EXOC4: variants seen among roughly 807,000 people sequenced by gnomAD.
EXOC4 encodes SEC8-like 1.
A neutral mutation model predicts 107.2 loss-of-function variants in EXOC4; 71 were observed. The ratio of observed to expected loss-of-function variants is 0.66; its 90% CI spans 0.55 to 0.81. The LOEUF (loss-of-function observed/expected upper bound fraction) is 0.81, where lower values mean the gene tolerates loss of function less well. EXOC4 is among the 30% of genes least tolerant of loss of function. The pLI, the probability that EXOC4 is intolerant of heterozygous loss-of-function variation, is 0.00. For synonymous variants in EXOC4, 456 were observed against 441.2 expected (o/e 1.03, Z -0.42); for missense variants, 1,108 against 1,189.6 (o/e 0.93, Z 1.01).
chr7:133,905,337 A>G (rs906341100), intron 12 of EXOC4, among the ~76,000 whole-genome samples: 7 of 152,202 alleles, frequency 4.6e-5, no homozygotes, highest in African/African-American at 1.7e-4. Flanking sequence ...TGCTTTGGAT[A>G]AAGAGGGGTT....
chr7:133,974,541 A>T (rs1055872290), intron 14 of EXOC4, among the ~76,000 whole-genome samples: 9 of 152,218 alleles, frequency 5.9e-5, no homozygotes, highest in Non-Finnish European at 1.3e-4. Context: ...GTAGTACACA[A>T]ATCTAATCTT....
At chr7:133,541,314 A>G (rs1227057326) in intron 9 of EXOC4, among the ~76,000 whole-genome samples, 5 of 152,148 alleles carry the variant, frequency 3.3e-5, no homozygotes, top group African/African-American at 1.2e-4. Context: ...AATATTGGTC[A>G]CTGTTACCTC....
At position 133,711,235 on chromosome 7, in the gene EXOC4, T is replaced by A. The variant is rs184906659; in HGVS notation, c.1514+81094T>A. On this transcript the variant is annotated intron_variant, in intron 10 of 17. Coordinates refer to ENST00000253861, the MANE Select transcript of EXOC4 (RefSeq NM_021807.4). ...TTACTGTATGATATTGATGCCTGGC[T>A]TCTTTCTTATTGCTGTATTCTTTTC... 1.1e-4 allele frequency among the ~76,000 whole-genome samples: 17 copies of A among 152,352 alleles called. No individual in the cohort carries two copies. The East Asian group carries it at 3.3e-3, about 29-fold the overall frequency.
At chr7:133,815,049 GAA>G (rs989322382) in intron 10 of EXOC4, among the ~76,000 whole-genome samples, 3 of 152,060 alleles carry the variant, frequency 2.0e-5, no homozygotes, top group Admixed American at 2.0e-4. Flanking sequence ...CATGCAAGCT[GAA>G]ACCATGCAAA....
intron 10 of EXOC4, among the ~76,000 whole-genome samples, chr7:133,668,784 G>A (rs1035149143): frequency 1.3e-5 from 2 of 152,100 alleles, no homozygotes; most frequent in Non-Finnish European, 1.5e-5. Flanking sequence ...CAACATTCCC[G>A]AGTTATGGTT....
chr7:133,980,319 C>T (rs1793949543), intron 14 of EXOC4, among the ~76,000 whole-genome samples: 2 of 152,210 alleles, frequency 1.3e-5, no homozygotes, highest in African/African-American at 4.8e-5. Context: ...TCTCACTCTT[C>T]CAGGATCCTC....
chr7:133,413,678 C>T lies in EXOC4; in HGVS notation c.1182+38676C>T, dbSNP rs1298678154. On this transcript the variant is annotated intron_variant, in intron 7 of 17. Coordinates refer to ENST00000253861, the MANE Select transcript of EXOC4 (RefSeq NM_021807.4). The stretch of plus-strand genomic sequence containing the variant: ...TTTGCTGGAAGCGCAGAAGAATCTT[C>T]GAAGGGTTTTAAATAGGAGATCATT... Among the ~76,000 whole-genome samples, 13 of 152,064 alleles carry T rather than the reference C, an allele frequency of 8.5e-5. 1 individual carries two copies. Among genetic ancestry groups the T allele is most frequent in the Admixed American group, 6.6e-4 (10 of 15,236 alleles).
rs2151145906 is a variant in EXOC4 at position 133,756,957 on chromosome 7, G to A, written c.1515-60368G>A. ...AAACTCAGGCTTCTAGAATGAGAAG[G>A]GGAAAATGGGCAAGGTCACGATGGT... On this transcript the variant is annotated intron_variant, in intron 10 of 17. Coordinates refer to ENST00000253861, the MANE Select transcript of EXOC4 (RefSeq NM_021807.4). 2.0e-5 allele frequency among the ~76,000 whole-genome samples: 3 copies of A among 152,282 alleles called. No individual in the cohort carries two copies. In the Middle Eastern group the frequency reaches 0.01, roughly 518 times the overall value.
intron 12 of EXOC4, among the ~76,000 whole-genome samples, chr7:133,909,369 A>G (rs1055707812): frequency 6.6e-6 from 1 of 152,228 alleles, no homozygotes; most frequent in Non-Finnish European, 1.5e-5. Flanking sequence ...AAACAAAACA[A>G]CAGGTTCAAG....
intron 10 of EXOC4, among the ~76,000 whole-genome samples, chr7:133,791,320 ATACTTAGGT>A (rs937456253): frequency 6.6e-6 from 1 of 152,226 alleles, no homozygotes; most frequent in Non-Finnish European, 1.5e-5. Flanking sequence ...CAATTTATTT[ATACTTAGGT>A]TGGAGTTATA....
intron 1 of EXOC4, among the ~76,000 whole-genome samples, chr7:133,272,003 G>T (rs567992130): frequency 6.7e-6 from 1 of 149,992 alleles, no homozygotes; most frequent in South Asian, 2.1e-4. Context: ...TTTTTATTAT[G>T]TTATGGAAAA....
intron 9 of EXOC4, among the ~76,000 whole-genome samples, chr7:133,542,559 G>A (rs1584987574): frequency 6.6e-6 from 1 of 152,150 alleles, no homozygotes. Context: ...CTGGCCTTGG[G>A]GTAAAGGTTC....
At chr7:133,817,925 C>G (rs2151216931) in intron 11 of EXOC4, among the ~76,000 whole-genome samples, 1 of 152,294 alleles carries the variant, frequency 6.6e-6, no homozygotes, top group South Asian at 2.1e-4. Context: ...CAATTACCAG[C>G]AGGAAACCCT....
intron 13 of EXOC4, among the ~76,000 whole-genome samples, chr7:133,922,674 C>T (rs999209118): frequency 8.6e-5 from 13 of 151,956 alleles, no homozygotes; most frequent in East Asian, 3.9e-4. Context: ...GGTGAAACCC[C>T]GTCTCTACTA....
Position 133,448,982 on chromosome 7 carries a change from G to A in EXOC4, c.1183-26346G>A, listed in dbSNP as rs1367671763. On this transcript the variant is annotated intron_variant, in intron 7 of 17. Coordinates refer to ENST00000253861, the MANE Select transcript of EXOC4 (RefSeq NM_021807.4). ...TATCTGGGTGTGGTGGCACATGCCTGTAATCCCAGCTATTCAGTAGGAGGC... is the reference window on the plus strand; with the variant it reads ...TATCTGGGTGTGGTGGCACATGCCTATAATCCCAGCTATTCAGTAGGAGGC... 3.3e-5 allele frequency among the ~76,000 whole-genome samples: 5 copies of A among 152,296 alleles called. No homozygotes were observed. In the East Asian group the frequency reaches 9.6e-4, roughly 29 times the overall value.
chr7:133,940,626 A>G (rs994460430), intron 14 of EXOC4, among the ~76,000 whole-genome samples: 1 of 152,132 alleles, frequency 6.6e-6, no homozygotes, highest in African/African-American at 2.4e-5. Context: ...AGCCTGGCTC[A>G]CCCCCACTTA....
In EXOC4 at chr7:133,842,570, A is replaced by C. The variant is rs116676105; in HGVS notation, c.1734+25026A>C. On this transcript the variant is annotated intron_variant, in intron 11 of 17. Transcript: ENST00000253861. ...AGACCTTTGTTGAATGCATAGTTTG[A>C]AAATATTTTTCCCATAATGTAGGTT... 2.4e-3 allele frequency among the ~76,000 whole-genome samples: 366 copies of C among 152,276 alleles called. 5 individuals are homozygous for C. The highest frequency in any genetic ancestry group is 8.2e-3 in the African/African-American group (342 of 41,554).
intron 17 of EXOC4, among the ~76,000 whole-genome samples, chr7:134,054,017 C>G (rs1795864335): frequency 6.6e-6 from 1 of 152,126 alleles, no homozygotes; most frequent in Admixed American, 6.5e-5. Flanking sequence ...ATGATCTTGG[C>G]TCACTGCAAC....
At chr7:133,700,432 T>C (rs958652384) in intron 10 of EXOC4, among the ~76,000 whole-genome samples, 2 of 152,138 alleles carry the variant, frequency 1.3e-5, no homozygotes, top group Non-Finnish European at 2.9e-5. Flanking sequence ...AAATTGAAAA[T>C]ATATTGGTTG....
Sources: gnomAD v4.1 joint callset for allele counts (sites outside exome capture counted in the v4.1 genomes callset) on GRCh38, gnomAD v4.1.1 for gene constraint, MANE v1.5 for transcripts, NCBI Gene and HGNC (gene_info 2026-07-23, HGNC 2026-07-21) for gene names.